The following KMT2C variants were observed in gnomAD, a reference collection of about 807,000 sequenced individuals.
The protein encoded by KMT2C is lysine methyltransferase 2C, also known as histone-lysine N-methyltransferase 2C.
Under a neutral mutation model 507.9 loss-of-function variants are expected in KMT2C, and 88 were observed. The observed-to-expected ratio is 0.17, with a 90% CI of 0.15 to 0.21. The LOEUF (loss-of-function observed/expected upper bound fraction) is 0.21. Ranked by LOEUF, KMT2C falls within the 10% of genes least tolerant of loss-of-function variation. KMT2C has a pLI of 1.00. For missense variants in KMT2C, 4,954 were observed against 5,957.8 expected, an observed-to-expected ratio of 0.83 and a Z score of 5.55; for synonymous variants, 2,049 against 2,080.8, an observed-to-expected ratio of 0.98 and a Z score of 0.42.
intron 1 of KMT2C, chr7:152,366,935 G>A: frequency 2.1e-6 from 1 of 482,974 alleles, no homozygotes; most frequent in Non-Finnish European, 3.7e-6. Context: ...CGCCTGGCGG[G>A]CACGATCGCA....
Position 152,167,169 on chromosome 7 carries a change from T to C in KMT2C, c.9727A>G (p.Met3243Val), listed in dbSNP as rs753446587. 7.4e-6 allele frequency: 12 copies of C among 1,614,028 alleles called. No individual in the cohort carries two copies. The highest frequency in any genetic ancestry group is 9.3e-6 in the Non-Finnish European group (11 of 1,179,844). The change falls in exon 42 of 59, where the codon ATG becomes GTG. Residue 3243 changes from methionine (M) to valine (V), a missense_variant. By Grantham distance (21) the Met-to-Val change is conservative (BLOSUM62 1). This residue lies in a region of KMT2C where 71 missense variants were observed against 139.2 expected (regional missense o/e 0.51). Transcript: ENST00000262189. ...QLKHVTEQQS[M>V]VQKQLEQIRK... ...ACCTGTTCTAGCTGTTTCTGAACCA[T>C]GCTTTGCTGTTCAGTAACATGCTTG... is the stretch of plus-strand genomic sequence containing the variant.
intron 6 of KMT2C, among the ~76,000 whole-genome samples, chr7:152,283,894 A>G (rs573727705): frequency 1.1e-3 from 175 of 152,316 alleles, no homozygotes; most frequent in Non-Finnish European, 2.2e-3. Context: ...GCATCAAAAG[A>G]GTATTTATAT....
chr7:152,244,898 T>C (rs1419150406), intron 14 of KMT2C, among the ~76,000 whole-genome samples: 4 of 152,170 alleles, frequency 2.6e-5, no homozygotes, highest in Non-Finnish European at 5.9e-5. Flanking sequence ...ATATTCCATA[T>C]GAAAGGAAAA....
chr7:152,194,539 A>C lies in KMT2C; in HGVS notation c.4408T>G (p.Ser1470Ala), dbSNP rs773508716. ...TGATTGACATTTGGCTGAGGCAAAG[A>C]GGAAGGATCATCAGTGACAGGACCA... ...DIGPVTDDPS[S>A]LPQPNVNQSS... Residue 1470 changes from serine to alanine, a missense_variant, in exon 29 of 59, where the codon TCT becomes GCT. Ser to Ala is a moderately conservative substitution (Grantham distance 99). Transcript: ENST00000262189. 5 of 1,613,128 alleles carry C rather than the reference A, an allele frequency of 3.1e-6. No homozygotes were observed. In the South Asian group the frequency reaches 5.5e-5, roughly 18 times the overall value.
At chr7:152,426,560 G>A (rs989024055) in intron 1 of KMT2C, among the ~76,000 whole-genome samples, 2 of 151,930 alleles carry the variant, frequency 1.3e-5, no homozygotes, top group Admixed American at 1.3e-4. Context: ...TTTTTGGAGT[G>A]AGTTTGGTTT....
At chr7:152,262,154 C>T (rs1006262916) in intron 9 of KMT2C, among the ~76,000 whole-genome samples, 12 of 152,194 alleles carry the variant, frequency 7.9e-5, no homozygotes, top group African/African-American at 2.4e-4. Flanking sequence ...CCTCCCCCAG[C>T]TGGGGACCTG....
At chr7:152,342,662 C>T (rs561902341) in intron 2 of KMT2C, among the ~76,000 whole-genome samples, 46 of 152,234 alleles carry the variant, frequency 3.0e-4, no homozygotes, top group African/African-American at 1.1e-3. Context: ...TCAGTGTGGA[C>T]GAGTCTGGAA....
intron 6 of KMT2C, among the ~76,000 whole-genome samples, chr7:152,282,417 G>T (rs2096234225): frequency 6.6e-6 from 1 of 151,882 alleles, no homozygotes; most frequent in African/African-American, 2.4e-5. Flanking sequence ...AATTCATAAT[G>T]ACCTCAAATT....
At chr7:152,273,443 G>T (rs1282855657) in intron 7 of KMT2C, among the ~76,000 whole-genome samples, 3 of 152,080 alleles carry the variant, frequency 2.0e-5, no homozygotes, top group Non-Finnish European at 4.4e-5. Flanking sequence ...TTCTACAGTG[G>T]TTTTTAAAAT....
intron 7 of KMT2C, among the ~76,000 whole-genome samples, chr7:152,268,678 T>C (rs1258175455): frequency 2.6e-5 from 4 of 152,220 alleles, no homozygotes; most frequent in African/African-American, 4.8e-5. Context: ...TCAAAATATG[T>C]ACATTTAAAA....
At chr7:152,327,108 A>G (rs1031838480) in intron 3 of KMT2C, among the ~76,000 whole-genome samples, 3 of 152,222 alleles carry the variant, frequency 2.0e-5, no homozygotes, top group Non-Finnish European at 4.4e-5. Context: ...GGATAAATAA[A>G]TAACAATGGC....
intron 44 of KMT2C, among the ~76,000 whole-genome samples, chr7:152,157,160 C>A (rs962071028): frequency 6.6e-6 from 1 of 151,084 alleles, no homozygotes; most frequent in Non-Finnish European, 1.5e-5. Context: ...ATGGCACAAT[C>A]ATGCTCACTG....
intron 45 of KMT2C, 33 bp from the exon 46 acceptor site, chr7:152,156,090 A>G: frequency 6.3e-7 from 1 of 1,597,960 alleles, no homozygotes; most frequent in Non-Finnish European, 8.5e-7. Flanking sequence ...CCATAAATAC[A>G]TTCAGTCAAT....
Position 152,204,084 on chromosome 7 carries a change from C to T in KMT2C, c.3962-1020G>A, listed in dbSNP as rs543171492. Among the ~76,000 whole-genome samples the T allele has an allele frequency of 1.1e-4, 17 of 151,980 alleles. No homozygotes were observed. The South Asian group carries it at 3.5e-3, about 32-fold the overall frequency. On this transcript the variant is annotated intron_variant, in intron 25 of 58. Transcript: ENST00000262189. ...CAGGGTCAGTTTAATAAGAAATACA[C>T]CTTCACACAAACCATCACTTGCCAC...
At chr7:152,184,153 C>A (rs1036728624) in intron 34 of KMT2C, among the ~76,000 whole-genome samples, 1 of 140,606 alleles carries the variant, frequency 7.1e-6, no homozygotes, top group South Asian at 2.3e-4. Flanking sequence ...ATATTTGAAA[C>A]GTATCATTAA....
At chr7:152,320,157 T>G (rs920926452) in intron 3 of KMT2C, among the ~76,000 whole-genome samples, 1 of 152,076 alleles carries the variant, frequency 6.6e-6, no homozygotes, top group African/African-American at 2.4e-5. Context: ...TTTATACATG[T>G]CTCCCATCCC....
intron 1 of KMT2C, among the ~76,000 whole-genome samples, chr7:152,384,610 ACCAC>A: frequency 7.1e-6 from 1 of 140,412 alleles, no homozygotes; most frequent in Non-Finnish European, 1.5e-5. Flanking sequence ...CACCACCACC[ACCAC>A]GCTGCACTGA....
At chr7:152,159,891 G>A (rs1308199437) in intron 43 of KMT2C, among the ~76,000 whole-genome samples, 1 of 152,138 alleles carries the variant, frequency 6.6e-6, no homozygotes, top group Non-Finnish European at 1.5e-5. Context: ...ATCTCTGACG[G>A]TTCTGAAAAT....
At chr7:152,145,126 G>A (rs1563132995) in intron 54 of KMT2C, 27 bp downstream of exon 54, 3 of 1,611,378 alleles carry the variant, frequency 1.9e-6, no homozygotes, top group Non-Finnish European at 2.5e-6. Flanking sequence ...ACCCTGGGCT[G>A]TACTATGTGA....
Sources: allele counts gnomAD v4.1 joint callset (sites outside exome capture counted in the v4.1 genomes callset), GRCh38; gene constraint gnomAD v4.1.1; regional missense constraint gnomAD v4.1.1; transcripts MANE v1.5; gene names NCBI Gene and HGNC (gene_info 2026-07-23, HGNC 2026-07-21).